The following FBXW11 variants were observed in gnomAD, a reference collection of about 807,000 sequenced individuals.
FBXW11 encodes the protein F-box/WD repeat-containing protein 11.
A neutral mutation model predicts 77.6 loss-of-function variants in FBXW11; 19 were observed. The ratio of observed to expected loss-of-function variants is 0.24; its 90% CI spans 0.17 to 0.36. The LOEUF (loss-of-function observed/expected upper bound fraction) is 0.36. Among genes scored for constraint, FBXW11 ranks in the 10% least tolerant of loss-of-function variants. FBXW11 has a pLI of 1.00. For synonymous variants in FBXW11, 235 were observed against 249.4 expected, an observed-to-expected ratio of 0.94 and a Z score of 0.54; for missense variants, 334 against 704.2, an observed-to-expected ratio of 0.47 and a Z score of 5.95.
intron 2 of FBXW11, among the ~76,000 whole-genome samples, chr5:171,946,220 T>A (rs918177134): frequency 6.6e-6 from 1 of 152,196 alleles, no homozygotes; most frequent in Admixed American, 6.5e-5. Flanking sequence ...CCAGCCCCCA[T>A]GGTCATGTGA....
intron 13 of FBXW11, among the ~76,000 whole-genome samples, chr5:171,865,466 C>T (rs1202700018): frequency 1.3e-5 from 2 of 152,032 alleles, no homozygotes; most frequent in Non-Finnish European, 2.9e-5. Flanking sequence ...AACAACAGAG[C>T]ATATCCAAAC....
Position 171,986,956 on chromosome 5 carries a change from AC to A in FBXW11, c.45+19501del, listed in dbSNP as rs1456864451. ...ACAGCTGTCCCCTAACACTCGCATT[AC>A]CACCTGAGCTCTGCCTCCTGTCAGA... On this transcript the variant is annotated intron_variant, in intron 1 of 13. Transcript: ENST00000517395. Among the ~76,000 whole-genome samples the A allele has an allele frequency of 6.6e-5, 10 of 152,308 alleles. No homozygotes were observed. The East Asian group carries it at 1.9e-3, about 29-fold the overall frequency.
intron 2 of FBXW11, among the ~76,000 whole-genome samples, chr5:171,920,807 C>T (rs10866654): frequency 0.79 from 120,473 of 152,150 alleles, 51,338 homozygotes; most frequent in East Asian, 0.97. Context: ...TCCTTTTTAT[C>T]TGTGCATTTT....
At chr5:171,911,778 A>C (rs1034108988) in intron 3 of FBXW11, among the ~76,000 whole-genome samples, 1 of 152,210 alleles carries the variant, frequency 6.6e-6, no homozygotes, top group African/African-American at 2.4e-5. Flanking sequence ...TTTAAAACTG[A>C]AACTACATAC....
chr5:171,973,912 T>C (rs1309823637), intron 1 of FBXW11, among the ~76,000 whole-genome samples: 1 of 152,206 alleles, frequency 6.6e-6, no homozygotes. Context: ...TTAAAAATTA[T>C]TAGTTTTTTA....
At chr5:171,901,672 G>A (rs550478828) in intron 4 of FBXW11, among the ~76,000 whole-genome samples, 1 of 152,288 alleles carries the variant, frequency 6.6e-6, no homozygotes, top group East Asian at 1.9e-4. Context: ...CGCCTAAGAT[G>A]GCAGTAAGTT....
intron 1 of FBXW11, among the ~76,000 whole-genome samples, chr5:171,994,716 C>T (rs1765934314): frequency 6.6e-6 from 1 of 152,100 alleles, no homozygotes; most frequent in Admixed American, 6.6e-5. Flanking sequence ...CCACCACCAC[C>T]ACCACCACCA....
At chr5:171,886,039 C>T (rs839301) in intron 7 of FBXW11, among the ~76,000 whole-genome samples, 139,425 of 152,264 alleles carry the variant, frequency 0.92, 64,068 homozygotes, top group East Asian at 1. Context: ...GAGAATTCTT[C>T]AGAAAACACA....
At chr5:171,978,491 C>T (rs993415492) in intron 1 of FBXW11, among the ~76,000 whole-genome samples, 1 of 152,136 alleles carries the variant, frequency 6.6e-6, no homozygotes, top group African/African-American at 2.4e-5. Context: ...CAACAGAACC[C>T]CACCTCAAAG....
intron 2 of FBXW11, among the ~76,000 whole-genome samples, chr5:171,951,566 A>T (rs1561715290): frequency 1.3e-5 from 2 of 150,222 alleles, no homozygotes; most frequent in Non-Finnish European, 3.0e-5. Flanking sequence ...AAAAGTGGCT[A>T]TTTTTTTTTG....
chr5:171,931,267 T>C (rs963801567), intron 2 of FBXW11, among the ~76,000 whole-genome samples: 1 of 152,224 alleles, frequency 6.6e-6, no homozygotes, highest in Non-Finnish European at 1.5e-5. Context: ...CAAGGAATGA[T>C]ACTGTCTGAC....
intron 2 of FBXW11, among the ~76,000 whole-genome samples, chr5:171,934,496 G>A (rs145026290): frequency 6.6e-6 from 1 of 151,926 alleles, no homozygotes; most frequent in Non-Finnish European, 1.5e-5. Context: ...GGGTAAAATG[G>A]TGAAACCCCA....
chr5:171,933,130 CAAAAAAAAAAAA>C (rs774171489), intron 2 of FBXW11, among the ~76,000 whole-genome samples: 4 of 36,800 alleles, frequency 1.1e-4, no homozygotes, highest in Admixed American at 2.9e-4. Flanking sequence ...GACCTTCTCT[CAAAAAAAAAAAA>C]AAAAAAAAAA....
At chr5:171,912,057 T>C (rs777261652) in intron 3 of FBXW11, among the ~76,000 whole-genome samples, 4 of 152,226 alleles carry the variant, frequency 2.6e-5, no homozygotes, top group African/African-American at 7.2e-5. Flanking sequence ...GAGTCTTACA[T>C]GGAATGAACC....
intron 1 of FBXW11, among the ~76,000 whole-genome samples, chr5:171,972,344 T>C (rs1046079046): frequency 1.3e-5 from 2 of 148,602 alleles, no homozygotes; most frequent in African/African-American, 2.5e-5. Flanking sequence ...AATAAATAAA[T>C]AAATAAATAA....
At chr5:171,946,017 A>G (rs1762990482) in intron 2 of FBXW11, among the ~76,000 whole-genome samples, 1 of 152,188 alleles carries the variant, frequency 6.6e-6, no homozygotes, top group Non-Finnish European at 1.5e-5. Context: ...GTTAGGTATG[A>G]TTAACATTTA....
chr5:171,945,154 A>C (rs1045290097), intron 2 of FBXW11, among the ~76,000 whole-genome samples: 1 of 152,222 alleles, frequency 6.6e-6, no homozygotes. Flanking sequence ...GAAAAAAATA[A>C]AGCAACATAA....
In FBXW11 at chr5:171,978,859, T is replaced by C. The variant is rs185299310; in HGVS notation, c.46-21161A>G. 3.3e-3 allele frequency among the ~76,000 whole-genome samples: 498 copies of C among 152,306 alleles called. 2 individuals are homozygous for C. The highest frequency in any genetic ancestry group is 0.01 in the African/African-American group (430 of 41,560). On this transcript the variant is annotated intron_variant, in intron 1 of 13. Transcript: ENST00000517395. ...TCTTTCTTCACAAAAGAAATACGAA[T>C]AGCCACAAACATTAGAAAAATACAT...
rs555679503 is a variant in FBXW11 at position 172,006,621 on chromosome 5, C to G, written c.-119G>C. On this transcript the variant is annotated 5_prime_UTR_variant, in exon 1 of 14. Coordinates refer to ENST00000517395, the MANE Select transcript of FBXW11 (RefSeq NM_001378974.1). Reference sequence around the variant, plus strand: ...CTATCGCACCCACTCTAGCTGCCAGCCCGCCCGGGCCGCCGGCAGCTCCGC... The same window carrying G: ...CTATCGCACCCACTCTAGCTGCCAGGCCGCCCGGGCCGCCGGCAGCTCCGC... 7.5e-5 allele frequency: 97 copies of G among 1,301,982 alleles called. No homozygotes were observed. The highest frequency in any genetic ancestry group is 9.3e-5 in the Non-Finnish European group (95 of 1,024,140). The allele number at this position is 1,301,982 out of a possible 1,614,324, so 80.7% of individuals were successfully genotyped here.
Sources: allele counts gnomAD v4.1 joint callset (sites outside exome capture counted in the v4.1 genomes callset), GRCh38; gene constraint gnomAD v4.1.1; transcripts MANE v1.5; gene names NCBI Gene and HGNC (gene_info 2026-07-23, HGNC 2026-07-21).